The following CNTNAP5 variants were observed in gnomAD, a reference collection of about 807,000 sequenced individuals.
The protein encoded by CNTNAP5 is contactin associated protein family member 5.
Under a neutral mutation model 150.2 loss-of-function variants are expected in CNTNAP5, and 72 were observed. The ratio of observed to expected loss-of-function variants is 0.48; its 90% CI spans 0.40 to 0.58. The LOEUF (loss-of-function observed/expected upper bound fraction) is 0.58. Among genes scored for constraint, CNTNAP5 ranks in the 20% least tolerant of loss-of-function variants. The pLI, the probability that CNTNAP5 is intolerant of heterozygous loss-of-function variation, is 0.00. For synonymous variants in CNTNAP5, 672 were observed against 619.8 expected (o/e 1.08, Z -1.25); for missense variants, 1,636 against 1,626.2 (o/e 1.01, Z -0.10).
intron 1 of CNTNAP5, among the ~76,000 whole-genome samples, chr2:124,178,760 C>T (rs1264496407): frequency 2.0e-5 from 3 of 151,954 alleles, no homozygotes; most frequent in African/African-American, 4.8e-5. Flanking sequence ...CTTCTAAGTT[C>T]ACCTTTTAAG....
chr2:124,102,223 A>G (rs1683081441), intron 1 of CNTNAP5, among the ~76,000 whole-genome samples: 1 of 152,232 alleles, frequency 6.6e-6, no homozygotes, highest in South Asian at 2.1e-4. Context: ...TGCCACTGGC[A>G]CAGGAACTAA....
intron 2 of CNTNAP5, among the ~76,000 whole-genome samples, chr2:124,223,240 G>A (rs943769319): frequency 3.3e-5 from 5 of 151,980 alleles, no homozygotes; most frequent in South Asian, 2.1e-4. Context: ...TTAACAAATC[G>A]CTTCACTAGT....
At chr2:124,220,662 G>A (rs116356182) in intron 1 of CNTNAP5, among the ~76,000 whole-genome samples, 1 of 152,098 alleles carries the variant, frequency 6.6e-6, no homozygotes, top group Non-Finnish European at 1.5e-5. Flanking sequence ...GAATATCAAG[G>A]TTCTGGTATC....
intron 1 of CNTNAP5, among the ~76,000 whole-genome samples, chr2:124,031,590 A>G (rs1463982566): frequency 6.6e-6 from 1 of 152,142 alleles, no homozygotes; most frequent in Non-Finnish European, 1.5e-5. Flanking sequence ...CTTCATTGCT[A>G]TGATGGTCTT....
At chr2:124,865,167 C>T (rs933276859) in intron 19 of CNTNAP5, 139 bp from the exon 20 acceptor site, 38 of 638,606 alleles carry the variant, frequency 6.0e-5, no homozygotes, top group Admixed American at 9.3e-5. Context: ...GATAAATATA[C>T]GTGATATATT....
At chr2:124,465,280 G>A (rs1201119406) in intron 6 of CNTNAP5, among the ~76,000 whole-genome samples, 2 of 152,298 alleles carry the variant, frequency 1.3e-5, no homozygotes, top group South Asian at 4.1e-4. Flanking sequence ...AGTAAATCCA[G>A]CAAGTTACCA....
Position 124,527,324 on chromosome 2 carries a change from C to G in CNTNAP5, c.1517C>G (p.Pro506Arg). Residue 506 changes from proline (P) to arginine (R), a missense_variant, in exon 10 of 24, where the codon CCC becomes CGC. By Grantham distance (103) the Pro-to-Arg change is moderately radical (BLOSUM62 -2). Coordinates refer to ENST00000682447, the MANE Select transcript of CNTNAP5 (RefSeq NM_001367498.1). ...DNLTDSQCLN[P>R]IKAFQGCMRL... ...CTCACCGATTCCCAATGTTTAAATC[C>G]CATTAAGGCTTTCCAAGGCTGCATG... 6.2e-7 allele frequency: 1 copy of G among 1,613,624 alleles called. No homozygotes were observed. Among genetic ancestry groups the G allele is most frequent in the Non-Finnish European group, 8.5e-7 (1 of 1,179,684 alleles).
intron 1 of CNTNAP5, among the ~76,000 whole-genome samples, chr2:124,136,273 G>C (rs1683969825): frequency 6.6e-6 from 1 of 152,116 alleles, no homozygotes; most frequent in African/African-American, 2.4e-5. Context: ...CTTTCTCACT[G>C]CTGCAGCCAT....
chr2:124,300,341 C>A (rs368209513), intron 3 of CNTNAP5, among the ~76,000 whole-genome samples: 17 of 152,254 alleles, frequency 1.1e-4, no homozygotes, highest in African/African-American at 4.1e-4. Flanking sequence ...ACAAGGAAGG[C>A]AAATAAGTCT....
At chr2:124,492,917 T>C (rs921551104) in intron 7 of CNTNAP5, among the ~76,000 whole-genome samples, 10 of 152,164 alleles carry the variant, frequency 6.6e-5, no homozygotes, top group Non-Finnish European at 1.2e-4. Flanking sequence ...TCTACAAACA[T>C]AGATAATTTA....
intron 13 of CNTNAP5, among the ~76,000 whole-genome samples, chr2:124,703,274 C>A (rs1679564861): frequency 6.9e-6 from 1 of 144,820 alleles, no homozygotes; most frequent in African/African-American, 2.5e-5. Context: ...TTCCTGTCTG[C>A]CTTCCTTCCT....
In CNTNAP5 at chr2:124,764,154, G is replaced by C. The variant is rs1390301749; in HGVS notation, c.2533+7G>C. On this transcript the variant is annotated splice_region_variant and intron_variant, in intron 16 of 23. Transcript: ENST00000682447. ...ATTCGACTCGAAATAAGCTGTAAGT[G>C]CCCTCAATTATGAATTTAATGTAAC... 6.2e-7 allele frequency: 1 copy of C among 1,608,104 alleles called. No homozygotes were observed. The highest frequency in any genetic ancestry group is 2.2e-5 in the East Asian group (1 of 44,794).
At chr2:124,825,680 G>A (rs1682578203) in intron 19 of CNTNAP5, among the ~76,000 whole-genome samples, 1 of 152,132 alleles carries the variant, frequency 6.6e-6, no homozygotes, top group Non-Finnish European at 1.5e-5. Context: ...GGCCTGGAAG[G>A]GGCTGCTGAT....
At chr2:124,519,488 G>A (rs1694806116) in intron 8 of CNTNAP5, among the ~76,000 whole-genome samples, 1 of 152,182 alleles carries the variant, frequency 6.6e-6, no homozygotes, top group South Asian at 2.1e-4. Flanking sequence ...TTGCCAGCAT[G>A]ATGAGCAAAA....
intron 11 of CNTNAP5, among the ~76,000 whole-genome samples, chr2:124,608,906 G>T (rs1237675776): frequency 2.0e-5 from 3 of 151,274 alleles, no homozygotes; most frequent in African/African-American, 7.3e-5. Context: ...ATCAAGCCAC[G>T]GCACTCCAGC....
chr2:124,155,406 G>A (rs1684502978), intron 1 of CNTNAP5, among the ~76,000 whole-genome samples: 1 of 151,970 alleles, frequency 6.6e-6, no homozygotes, highest in Admixed American at 6.6e-5. Context: ...GTCTGCAGTT[G>A]GAAATATACA....
At chr2:124,664,451 T>C (rs561777098) in intron 13 of CNTNAP5, among the ~76,000 whole-genome samples, 1 of 151,992 alleles carries the variant, frequency 6.6e-6, no homozygotes, top group African/African-American at 2.4e-5. Context: ...ATTTCTCAAG[T>C]AGGCCAGATA....
intron 3 of CNTNAP5, among the ~76,000 whole-genome samples, chr2:124,381,125 G>A (rs577782950): frequency 6.6e-6 from 1 of 152,132 alleles, no homozygotes; most frequent in Non-Finnish European, 1.5e-5. Context: ...CTAGCTGGGT[G>A]TGTTTAAGGA....
At position 124,883,271 on chromosome 2, in the gene CNTNAP5, G is replaced by A. The variant is rs145991367; in HGVS notation, c.3436+13509G>A. On this transcript the variant is annotated intron_variant, in intron 21 of 23. Coordinates refer to ENST00000682447, the MANE Select transcript of CNTNAP5 (RefSeq NM_001367498.1). Reference sequence around the variant, plus strand: ...GAGATGGGCTTTCACCATGTTGCCCGGGCTGGTCTTGAACTCATGGGCTCA... The same window carrying A: ...GAGATGGGCTTTCACCATGTTGCCCAGGCTGGTCTTGAACTCATGGGCTCA... Among the ~76,000 whole-genome samples the A allele has an allele frequency of 2.3e-3, 346 of 151,792 alleles. 2 individuals carry two copies. The highest frequency in any genetic ancestry group is 8.0e-3 in the African/African-American group (331 of 41,388).
Sources: allele counts gnomAD v4.1 joint callset (sites outside exome capture counted in the v4.1 genomes callset), GRCh38; gene constraint gnomAD v4.1.1; transcripts MANE v1.5; gene names NCBI Gene and HGNC (gene_info 2026-07-23, HGNC 2026-07-21).